The following TVP23C variants were observed in gnomAD, a reference collection of about 807,000 sequenced individuals.
TVP23C encodes Golgi apparatus membrane protein TVP23 homolog C.
A neutral mutation model predicts 28.7 loss-of-function variants in TVP23C; 19 were observed. The ratio of observed to expected loss-of-function variants is 0.66; its 90% confidence interval spans 0.46 to 0.97. The LOEUF is 0.97. TVP23C is among the 50% of genes least tolerant of loss of function. The pLI, the probability that TVP23C is intolerant of heterozygous loss-of-function variation, is 0.00. For missense variants in TVP23C, 186 were observed against 241.3 expected (o/e 0.77, Z 1.52); for synonymous variants, 68 against 81.7 (o/e 0.83, Z 0.90).
chr17:15,505,578 AGG>A (rs1405068721), intron 5 of TVP23C, among the ~76,000 whole-genome samples: 1 of 152,142 alleles, frequency 6.6e-6, no homozygotes, highest in Non-Finnish European at 1.5e-5. Context: ...CTCCTCTGCC[AGG>A]GCTCCCACTT....
chr17:15,538,689 AC>A lies in TVP23C; in HGVS notation c.*1722del. ...TGTCCAGTTTGTCTCATTTGAGCAG[AC>A]GCCGGATACCATGTAAGACACTAAC... is the stretch of plus-strand genomic sequence containing the variant. On this transcript the variant is annotated 3_prime_UTR_variant, in exon 6 of 6. Coordinates refer to ENST00000518321, the MANE Select transcript of TVP23C (RefSeq NM_001135036.2). The A allele has an allele frequency of 1.0e-6, 1 of 985,456 alleles. No homozygotes were observed. The highest frequency in any genetic ancestry group is 1.2e-6 in the Non-Finnish European group (1 of 829,922). 61.0% of individuals were successfully genotyped at this position (985,456 alleles called of 1,614,324 possible).
intron 5 of TVP23C, among the ~76,000 whole-genome samples, chr17:15,542,756 A>T (rs4054407): frequency 0.083 from 12,637 of 152,084 alleles, 627 homozygotes; most frequent in African/African-American, 0.13. Flanking sequence ...GATTACAGGC[A>T]TGAGCCACCA....
intron 5 of TVP23C, among the ~76,000 whole-genome samples, chr17:15,522,324 A>G (rs933940022): frequency 6.6e-6 from 1 of 152,246 alleles, no homozygotes; most frequent in African/African-American, 2.4e-5. Flanking sequence ...GCTGCTATTC[A>G]TAAGAAATTC....
At chr17:15,518,700 GAGCTCCACTGGGCTCAGT>G (rs147759072) in intron 5 of TVP23C, among the ~76,000 whole-genome samples, 3,271 of 152,256 alleles carry the variant, frequency 0.021, 100 homozygotes, top group African/African-American at 0.075. Context: ...CAGTAGAGAA[GAGCTCCACTGGGCTCAGT>G]AGAGAAGAGT....
chr17:15,531,081 A>G (rs1209960039), intron 5 of TVP23C: 2 of 152,144 alleles, frequency 1.3e-5, no homozygotes, highest in African/African-American at 2.4e-5. Flanking sequence ...CTGGATCTAA[A>G]ATTCTCTGTT....
rs200215113 is a variant in TVP23C at position 15,505,103 on chromosome 17, G to GC, written c.463-1872dup. On this transcript the variant is annotated intron_variant, in intron 5 of 5. Transcript: ENST00000225576. ...CACTGAAGAGGTAGTGGTAATGAAG[G>GC]CAGCCATGGGGCTATAGTCCTAGAC... 9.9e-5 allele frequency among the ~76,000 whole-genome samples: 15 copies of GC among 151,664 alleles called. 1 individual carries two copies. Among genetic ancestry groups the GC allele is most frequent in the African/African-American group, 3.7e-4 (15 of 40,990 alleles).
intron 5 of TVP23C, among the ~76,000 whole-genome samples, chr17:15,516,047 C>T (rs1324266199): frequency 6.6e-6 from 1 of 152,192 alleles, no homozygotes; most frequent in Non-Finnish European, 1.5e-5. Context: ...TTGCCTTCTG[C>T]CATGAGTAAA....
At chr17:15,514,200 A>G (rs1982126675) in intron 5 of TVP23C, among the ~76,000 whole-genome samples, 1 of 152,272 alleles carries the variant, frequency 6.6e-6, no homozygotes, top group African/African-American at 2.4e-5. Context: ...GAGTTGGAGC[A>G]GCCTTTTCAA....
chr17:15,552,268 C>A (rs9914680), intron 3 of TVP23C, among the ~76,000 whole-genome samples: 1 of 151,904 alleles, frequency 6.6e-6, no homozygotes, highest in Non-Finnish European at 1.5e-5. Flanking sequence ...AAATGCAAGC[C>A]AAAGAAGACT....
chr17:15,532,075 T>C (rs768038402), downstream of TVP23C, among the ~76,000 whole-genome samples: 34 of 152,284 alleles, frequency 2.2e-4, no homozygotes, highest in Admixed American at 1.0e-3. Context: ...CCTTAAGTGG[T>C]TGAAGCATAA....
At chr17:15,520,179 T>C (rs1226648037) in intron 5 of TVP23C, among the ~76,000 whole-genome samples, 3 of 151,222 alleles carry the variant, frequency 2.0e-5, no homozygotes, top group East Asian at 3.9e-4. Context: ...CTTTCTCTCA[T>C]TTCCATCCAG....
In TVP23C at chr17:15,539,899, C is replaced by T. The variant is rs1983336360; in HGVS notation, c.*513G>A. On this transcript the variant is annotated 3_prime_UTR_variant, in exon 6 of 6. Coordinates refer to ENST00000518321, the MANE Select transcript of TVP23C (RefSeq NM_001135036.2). Reference sequence around the variant, plus strand: ...ACAAGGTCATGAGATGGAGACCATCCTGGCTAACATGATGAAATCCCATCT... The same window carrying T: ...ACAAGGTCATGAGATGGAGACCATCTTGGCTAACATGATGAAATCCCATCT... 1.4e-6 allele frequency: 1 copy of T among 704,458 alleles called. No individual in the cohort carries two copies. Among genetic ancestry groups the T allele is most frequent in the Non-Finnish European group, 1.7e-6 (1 of 573,674 alleles). The allele number at this position is 704,458 out of a possible 1,614,324, so 43.6% of individuals were successfully genotyped here.
rs536060464 is a variant in TVP23C at position 15,502,708 on chromosome 17, T to G, written c.*156A>C. ...TTACAAGTTCCCTGTTCGTTCGTTCTTTCTCTCTCTCCTCTCTCTCTCTTT... is the reference window on the plus strand; with the variant it reads ...TTACAAGTTCCCTGTTCGTTCGTTCGTTCTCTCTCTCCTCTCTCTCTCTTT... On this transcript the variant is annotated 3_prime_UTR_variant, in exon 6 of 6. Coordinates refer to the TVP23C transcript ENST00000225576. 6.5e-6 allele frequency: 8 copies of G among 1,228,134 alleles called. 1 individual carries two copies. The East Asian group carries it at 2.0e-4, about 30-fold the overall frequency. 76.1% of individuals were successfully genotyped at this position (1,228,134 alleles called of 1,614,324 possible).
At chr17:15,504,497 C>T (rs953369859) in intron 5 of TVP23C, among the ~76,000 whole-genome samples, 2 of 152,006 alleles carry the variant, frequency 1.3e-5, no homozygotes, top group East Asian at 1.9e-4. Flanking sequence ...GTTGAGAGCG[C>T]GGAAGATGAG....
At chr17:15,548,491 G>A (rs1983745329) in intron 3 of TVP23C, among the ~76,000 whole-genome samples, 1 of 152,024 alleles carries the variant, frequency 6.6e-6, no homozygotes, top group South Asian at 2.1e-4. Context: ...GCTCACCACT[G>A]CTTTGAAAGT....
chr17:15,502,707 CTT>C (rs1416394815), exon 6 of TVP23C: 29 of 1,187,026 alleles, frequency 2.4e-5, no homozygotes, highest in East Asian at 8.5e-5. Context: ...TTCGTTCGTT[CTT>C]TCTCTCTCTC....
rs566275889 is a variant in TVP23C at position 15,525,240 on chromosome 17, G to A, written c.462+20545C>T. Among the ~76,000 whole-genome samples, 19 of 152,336 alleles carry A rather than the reference G, an allele frequency of 1.2e-4. No homozygotes were observed. The East Asian group carries it at 3.5e-3, about 28-fold the overall frequency. On this transcript the variant is annotated intron_variant, in intron 5 of 5. Coordinates refer to the TVP23C transcript ENST00000225576. The stretch of plus-strand genomic sequence containing the variant: ...AGTGCCATTAGGTGCCCGGCACTGG[G>A]TCATGCACTGACAATGGGAAGGCGA...
chr17:15,509,829 C>T (rs918884390), intron 5 of TVP23C, among the ~76,000 whole-genome samples: 1 of 152,236 alleles, frequency 6.6e-6, no homozygotes, highest in Admixed American at 6.5e-5. Flanking sequence ...CCCTGGCTCA[C>T]ATGGCATGCT....
chr17:15,541,529 C>T (rs1456846358), intron 5 of TVP23C, among the ~76,000 whole-genome samples: 1 of 151,956 alleles, frequency 6.6e-6, no homozygotes, highest in Non-Finnish European at 1.5e-5. Flanking sequence ...ATCGACCATT[C>T]TACTCTTTTA....
Sources: allele counts gnomAD v4.1 joint callset (sites outside exome capture counted in the v4.1 genomes callset), GRCh38; gene constraint gnomAD v4.1.1; transcripts MANE v1.5; gene names NCBI Gene and HGNC (gene_info 2026-07-23, HGNC 2026-07-21).